The following WWOX variants were observed in gnomAD, a reference collection of about 807,000 sequenced individuals.
The protein encoded by WWOX is WW domain-containing oxidoreductase.
A neutral mutation model predicts 46.2 loss-of-function variants in WWOX; 69 were observed. The ratio of observed to expected loss-of-function variants is 1.49; its 90% CI spans 1.23 to 1.82. The LOEUF (loss-of-function observed/expected upper bound fraction) is 1.82. WWOX is among the 40% of genes most tolerant of loss of function. The pLI is 0.00. For synonymous variants in WWOX, 359 were observed against 202.6 expected (o/e 1.77, Z -6.56); for missense variants, 919 against 542.6 (o/e 1.69, Z -6.89).
At chr16:78,355,931 A>T in intron 5 of WWOX, 1 of 254,580 alleles carries the variant, frequency 3.9e-6, no homozygotes, top group Non-Finnish European at 7.9e-6. Context: ...ATACATTTGG[A>T]TATTAAGAAA....
intron 5 of WWOX, among the ~76,000 whole-genome samples, chr16:78,267,860 C>G (rs969128271): frequency 6.6e-6 from 1 of 152,166 alleles, no homozygotes; most frequent in African/African-American, 2.4e-5. Flanking sequence ...CTTCTTCAGC[C>G]TCCCAGGAGT....
intron 8 of WWOX, among the ~76,000 whole-genome samples, chr16:78,841,832 G>T (rs1311705176): frequency 6.6e-6 from 1 of 152,300 alleles, no homozygotes; most frequent in Non-Finnish European, 1.5e-5. Context: ...GGTAGATTAT[G>T]TTATTCATGA....
chr16:79,170,659 G>A (rs1177562455), intron 8 of WWOX, among the ~76,000 whole-genome samples: 1 of 131,506 alleles, frequency 7.6e-6, no homozygotes, highest in Non-Finnish European at 1.6e-5. Flanking sequence ...TCACAGTCAA[G>A]AGTTACTTCT....
At chr16:79,055,791 A>C (rs1424028156) in intron 8 of WWOX, among the ~76,000 whole-genome samples, 1 of 152,180 alleles carries the variant, frequency 6.6e-6, no homozygotes, top group African/African-American at 2.4e-5. Flanking sequence ...TAGCAACCAA[A>C]CAGTTTCTTC....
intron 8 of WWOX, among the ~76,000 whole-genome samples, chr16:78,882,548 C>G (rs2044364821): frequency 6.6e-6 from 1 of 151,322 alleles, no homozygotes; most frequent in Non-Finnish European, 1.5e-5. Context: ...GGGATCTCAG[C>G]TCACTGCACC....
At chr16:78,891,021 C>T (rs761852528) in intron 8 of WWOX, 2 of 152,144 alleles carry the variant, frequency 1.3e-5, no homozygotes, top group Non-Finnish European at 2.9e-5. Context: ...CACAGGTTGC[C>T]TTTCCTAAAT....
In WWOX at chr16:79,079,137, C is replaced by A. The variant is rs1421940474; in HGVS notation, c.1057-132471C>A. ...AAGGTAGCTGTACCTAGTTGCAATGCTCTCTTCCAAGTAGATATTTAGGGA... is the reference window on the plus strand; with the variant it reads ...AAGGTAGCTGTACCTAGTTGCAATGATCTCTTCCAAGTAGATATTTAGGGA... On this transcript the variant is annotated intron_variant, in intron 8 of 8. Coordinates refer to ENST00000566780, the MANE Select transcript of WWOX (RefSeq NM_016373.4). Among the ~76,000 whole-genome samples the A allele has an allele frequency of 2.6e-5, 4 of 152,308 alleles. No homozygotes were observed. In the South Asian group the frequency reaches 8.3e-4, roughly 32 times the overall value.
At chr16:78,904,522 C>G (rs897358479) in intron 8 of WWOX, among the ~76,000 whole-genome samples, 2 of 152,042 alleles carry the variant, frequency 1.3e-5, no homozygotes, top group Admixed American at 6.6e-5. Flanking sequence ...CAGGCATGAG[C>G]CACCGGCCTG....
intron 8 of WWOX, among the ~76,000 whole-genome samples, chr16:79,044,477 G>A (rs1250748876): frequency 6.6e-6 from 1 of 152,032 alleles, no homozygotes; most frequent in Non-Finnish European, 1.5e-5. Flanking sequence ...AAAATGTGTG[G>A]CACAGCCCCC....
chr16:78,332,517 T>C (rs538598030), intron 5 of WWOX, among the ~76,000 whole-genome samples: 1 of 152,296 alleles, frequency 6.6e-6, no homozygotes, highest in African/African-American at 2.4e-5. Context: ...GTACATGCTA[T>C]AAGGTGAAAG....
At chr16:78,832,548 ACT>A (rs2051860564) in intron 8 of WWOX, among the ~76,000 whole-genome samples, 1 of 151,782 alleles carries the variant, frequency 6.6e-6, no homozygotes, top group Admixed American at 6.6e-5. Context: ...ACACACCCTG[ACT>A]CTCCTAACAC....
chr16:78,498,701 GT>G (rs2084979539), intron 8 of WWOX, among the ~76,000 whole-genome samples: 1 of 152,198 alleles, frequency 6.6e-6, no homozygotes, highest in Non-Finnish European at 1.5e-5. Context: ...CTCTCTTTCT[GT>G]TTTTAAACAG....
intron 8 of WWOX, among the ~76,000 whole-genome samples, chr16:78,917,995 A>T (rs991849634): frequency 1.9e-4 from 29 of 152,170 alleles, no homozygotes; most frequent in African/African-American, 6.8e-4. Context: ...TGAGGCCAGG[A>T]GTTTGAAACC....
intron 4 of WWOX, among the ~76,000 whole-genome samples, chr16:78,137,507 A>C (rs554837588): frequency 6.6e-6 from 1 of 152,180 alleles, no homozygotes; most frequent in South Asian, 2.1e-4. Context: ...TTCCTTACGT[A>C]TTGTTTTGTG....
chr16:78,535,472 C>T (rs969246528), intron 8 of WWOX: 5 of 152,186 alleles, frequency 3.3e-5, no homozygotes, highest in East Asian at 1.9e-4. Flanking sequence ...GTCCACCATC[C>T]CTGCAGCCCT....
intron 5 of WWOX, among the ~76,000 whole-genome samples, chr16:78,383,310 A>G (rs753733328): frequency 1.3e-5 from 2 of 152,112 alleles, no homozygotes; most frequent in Non-Finnish European, 2.9e-5. Flanking sequence ...TAAGATGTAT[A>G]TATGGGGGAA....
chr16:78,798,186 G>C (rs908328044), intron 8 of WWOX, among the ~76,000 whole-genome samples: 3 of 152,140 alleles, frequency 2.0e-5, no homozygotes, highest in African/African-American at 7.2e-5. Context: ...CGGCACCTTT[G>C]CCACAACGTG....
intron 5 of WWOX, among the ~76,000 whole-genome samples, chr16:78,233,371 A>G (rs1158084333): frequency 6.6e-6 from 1 of 152,066 alleles, no homozygotes; most frequent in East Asian, 1.9e-4. Context: ...TAAATATATA[A>G]TTTATTATTA....
intron 8 of WWOX, among the ~76,000 whole-genome samples, chr16:78,686,585 A>C (rs1468033643): frequency 6.6e-6 from 1 of 152,126 alleles, no homozygotes; most frequent in Non-Finnish European, 1.5e-5. Flanking sequence ...AGAAACACTA[A>C]AGGGGAGTGG....
Sources: allele counts gnomAD v4.1 joint callset (sites outside exome capture counted in the v4.1 genomes callset), GRCh38; gene constraint gnomAD v4.1.1; transcripts MANE v1.5; gene names NCBI Gene and HGNC (gene_info 2026-07-23, HGNC 2026-07-21).